The following SPARCL1 variants were observed in gnomAD, a reference collection of about 807,000 sequenced individuals.
The protein encoded by SPARCL1 is SPARC-like protein 1.
In SPARCL1, 52 loss-of-function variants were observed where a neutral mutation model predicts 67.1. The observed-to-expected ratio is 0.78, with a 90% CI of 0.62 to 0.98. The LOEUF is 0.98. Among genes scored for constraint, SPARCL1 ranks in the 50% least tolerant of loss-of-function variants. The pLI is 0.00. For missense variants in SPARCL1, 717 were observed against 782.4 expected, an observed-to-expected ratio of 0.92 and a Z score of 1.00; for synonymous variants, 226 against 267.8, an observed-to-expected ratio of 0.84 and a Z score of 1.52.
At chr4:87,499,336 A>T (rs1475983476) in intron 2 of SPARCL1, among the ~76,000 whole-genome samples, 185 bp downstream of exon 2, 4 of 151,714 alleles carry the variant, frequency 2.6e-5, no homozygotes, top group Admixed American at 6.6e-5. Context: ...TAGTTCTAAA[A>T]TTTTTTTTTA....
intron 1 of SPARCL1, among the ~76,000 whole-genome samples, chr4:87,525,547 T>A (rs918483787): frequency 1.3e-5 from 2 of 152,200 alleles, no homozygotes; most frequent in African/African-American, 4.8e-5. Flanking sequence ...ATGTGTATCA[T>A]GTGAGGCCAT....
chr4:87,526,461 A>T (rs980353705), intron 1 of SPARCL1, among the ~76,000 whole-genome samples: 1 of 152,210 alleles, frequency 6.6e-6, no homozygotes, highest in Non-Finnish European at 1.5e-5. Flanking sequence ...CAGGTGCTAT[A>T]CTTGGCATTT....
At chr4:87,497,298 G>C in intron 2 of SPARCL1, 21 of 857,614 alleles carry the variant, frequency 2.4e-5, no homozygotes, top group Non-Finnish European at 2.9e-5. Flanking sequence ...AGGGGGAAAA[G>C]GAGAAAGAAT....
intron 1 of SPARCL1, among the ~76,000 whole-genome samples, chr4:87,504,050 G>C (rs943891329): frequency 6.6e-6 from 1 of 151,662 alleles, no homozygotes; most frequent in African/African-American, 2.4e-5. Flanking sequence ...TTCAAATCCA[G>C]GTGGTCCAGG....
intron 4 of SPARCL1, among the ~76,000 whole-genome samples, chr4:87,492,751 CT>C (rs1724403340): frequency 6.6e-6 from 1 of 150,514 alleles, no homozygotes; most frequent in South Asian, 2.1e-4. Context: ...TACCATTGAC[CT>C]TGTGTACCAA....
intron 2 of SPARCL1, among the ~76,000 whole-genome samples, chr4:87,496,248 A>T (rs1724615444): frequency 6.6e-6 from 1 of 152,174 alleles, no homozygotes; most frequent in Admixed American, 6.6e-5. Context: ...TTAATTAATT[A>T]ACTCCAGCCT....
intron 7 of SPARCL1, among the ~76,000 whole-genome samples, chr4:87,486,400 T>A (rs1724059934): frequency 6.6e-6 from 1 of 152,318 alleles, no homozygotes; most frequent in African/African-American, 2.4e-5. Context: ...TAATCCTGAG[T>A]TCTAATTTGA....
intron 2 of SPARCL1, among the ~76,000 whole-genome samples, chr4:87,496,758 C>T (rs1245543119): frequency 6.6e-6 from 1 of 152,194 alleles, no homozygotes; most frequent in Non-Finnish European, 1.5e-5. Context: ...CTCAGATGGC[C>T]TATCCAGGTG....
At chr4:87,512,366 C>A (rs1416987158) in intron 1 of SPARCL1, among the ~76,000 whole-genome samples, 1 of 152,142 alleles carries the variant, frequency 6.6e-6, no homozygotes, top group Non-Finnish European at 1.5e-5. Context: ...AATGATGACC[C>A]CCAGTAAACC....
intron 1 of SPARCL1, among the ~76,000 whole-genome samples, chr4:87,527,773 C>T (rs7671077): frequency 0.25 from 37,537 of 151,748 alleles, 4,897 homozygotes; most frequent in South Asian, 0.41. Flanking sequence ...GTTGATTGGA[C>T]GATAAGTAGA....
intron 7 of SPARCL1, among the ~76,000 whole-genome samples, chr4:87,487,499 G>A (rs1195733421): frequency 4.6e-5 from 7 of 152,130 alleles, no homozygotes; most frequent in East Asian, 3.8e-4. Context: ...TGGGTATTCC[G>A]ACCTTTCTGT....
At chr4:87,501,160 G>A (rs1447779865) in intron 1 of SPARCL1, among the ~76,000 whole-genome samples, 3 of 151,986 alleles carry the variant, frequency 2.0e-5, no homozygotes, top group Non-Finnish European at 4.4e-5. Flanking sequence ...TGTCCATTTC[G>A]CCCCTTGGAA....
At chr4:87,521,480 A>C (rs866903118) in intron 1 of SPARCL1, among the ~76,000 whole-genome samples, 1 of 152,142 alleles carries the variant, frequency 6.6e-6, no homozygotes, top group African/African-American at 2.4e-5. Flanking sequence ...TATTGCTTCA[A>C]GTCTTTCTAA....
chr4:87,485,851 A>G (rs955987787), intron 7 of SPARCL1, among the ~76,000 whole-genome samples: 2 of 152,040 alleles, frequency 1.3e-5, no homozygotes, highest in African/African-American at 2.4e-5. Context: ...GTTTATTTGT[A>G]TAGAGGTGTT....
intron 7 of SPARCL1, among the ~76,000 whole-genome samples, chr4:87,484,491 T>C (rs1020977142): frequency 4.6e-5 from 7 of 152,228 alleles, no homozygotes; most frequent in African/African-American, 9.6e-5. Context: ...TGTAGCCTTG[T>C]AGTATAGTTT....
intron 1 of SPARCL1, among the ~76,000 whole-genome samples, chr4:87,510,696 C>T (rs921601776): frequency 6.6e-6 from 1 of 152,234 alleles, no homozygotes; most frequent in African/African-American, 2.4e-5. Context: ...GACCTCATTC[C>T]TCTTGGGCAC....
At chr4:87,502,746 T>A (rs1178023573) in intron 1 of SPARCL1, among the ~76,000 whole-genome samples, 1 of 152,244 alleles carries the variant, frequency 6.6e-6, no homozygotes, top group East Asian at 1.9e-4. Flanking sequence ...TGTATTTGGC[T>A]GTCCATTAAT....
At chr4:87,492,793 T>C (rs1278552673) in intron 4 of SPARCL1, among the ~76,000 whole-genome samples, 5 of 41,876 alleles carry the variant, frequency 1.2e-4, no homozygotes, top group Non-Finnish European at 7.2e-5. Context: ...GGCACAGGAC[T>C]TTGTGGCTGC....
chr4:87,497,374 G>A (rs1237104213), intron 2 of SPARCL1: 2 of 190,270 alleles, frequency 1.1e-5, no homozygotes, highest in Non-Finnish European at 1.9e-5. Flanking sequence ...GGAGATTTTA[G>A]GCTTATTAGT....
Sources: gnomAD v4.1 joint callset for allele counts (sites outside exome capture counted in the v4.1 genomes callset) on GRCh38, gnomAD v4.1.1 for gene constraint, MANE v1.5 for transcripts, NCBI Gene and HGNC (gene_info 2026-07-23, HGNC 2026-07-21) for gene names.